The following GNAZ variants were observed in gnomAD, a reference collection of about 807,000 sequenced individuals.
GNAZ encodes G protein subunit alpha z, also known as guanine nucleotide-binding protein G(z) subunit alpha.
Under a neutral mutation model 25.4 loss-of-function variants are expected in GNAZ, and 3 were observed. That is an observed-to-expected ratio of 0.12 (90% confidence interval 0.05 to 0.30). The LOEUF is 0.30. Ranked by LOEUF, GNAZ falls within the 10% of genes least tolerant of loss-of-function variation. The probability of loss-of-function intolerance (pLI) is 1.00; values close to 1 mark genes in which losing one functional copy is unlikely to be tolerated. For missense variants in GNAZ, 241 were observed against 501.8 expected (o/e 0.48, Z 4.97); for synonymous variants, 211 against 205.7 (o/e 1.03, Z -0.22).
chr22:23,072,751 G>A (rs1188023878), intron 1 of GNAZ, among the ~76,000 whole-genome samples: 1 of 152,218 alleles, frequency 6.6e-6, no homozygotes, highest in African/African-American at 2.4e-5. Context: ...GTGGGTTTGG[G>A]ACACAGGGAA....
intron 2 of GNAZ, among the ~76,000 whole-genome samples, chr22:23,110,688 A>G (rs2069619326): frequency 6.6e-6 from 1 of 152,234 alleles, no homozygotes; most frequent in African/African-American, 2.4e-5. Flanking sequence ...CTGTGGTGTG[A>G]GACTCTGAGG....
intron 1 of GNAZ, among the ~76,000 whole-genome samples, chr22:23,077,659 C>T (rs1055603312): frequency 2.0e-5 from 3 of 152,152 alleles, no homozygotes; most frequent in African/African-American, 7.2e-5. Flanking sequence ...AAGTACCAGG[C>T]TCTGTGTTTG....
At chr22:23,117,958 C>T (rs1388043185) in intron 2 of GNAZ, among the ~76,000 whole-genome samples, 1 of 152,234 alleles carries the variant, frequency 6.6e-6, no homozygotes, top group Non-Finnish European at 1.5e-5. Flanking sequence ...GAATGTCCTT[C>T]CAGGTGCCGG....
chr22:23,075,164 G>A (rs2068478448), intron 1 of GNAZ, among the ~76,000 whole-genome samples: 1 of 152,140 alleles, frequency 6.6e-6, no homozygotes, highest in Non-Finnish European at 1.5e-5. Context: ...CCTGGAGGGT[G>A]GGCCCGCAAC....
intron 1 of GNAZ, among the ~76,000 whole-genome samples, chr22:23,080,432 A>G (rs2068644104): frequency 6.6e-6 from 1 of 152,222 alleles, no homozygotes; most frequent in Admixed American, 6.5e-5. Flanking sequence ...GCCGGGGCAT[A>G]GCCTGGGGTT....
chr22:23,073,731 C>T lies in GNAZ; in HGVS notation c.-450+3161C>T, dbSNP rs765870151. Among the ~76,000 whole-genome samples the T allele has an allele frequency of 4.9e-4, 74 of 152,156 alleles. 1 individual carries two copies. Among genetic ancestry groups the T allele is most frequent in the Admixed American group, 1.6e-3 (25 of 15,272 alleles). On this transcript the variant is annotated intron_variant, in intron 1 of 2. Transcript: ENST00000615612. ...TGAGCCGGAGGAGCAGAACCTCACG[C>T]GATTCATCCATTCATTTGTTCAGCT...
chr22:23,074,354 GT>G (rs543179940), intron 1 of GNAZ, among the ~76,000 whole-genome samples: 160 of 152,296 alleles, frequency 1.1e-3, no homozygotes, highest in African/African-American at 3.6e-3. Flanking sequence ...TGGGAGATTT[GT>G]TTTTTTAAAG....
intron 1 of GNAZ, among the ~76,000 whole-genome samples, chr22:23,079,478 C>T (rs942819385): frequency 2.0e-5 from 3 of 152,034 alleles, no homozygotes; most frequent in Non-Finnish European, 4.4e-5. Context: ...GGAGCATGGG[C>T]GTGGGAGTCA....
At chr22:23,080,911 A>T (rs2068658934) in intron 1 of GNAZ, among the ~76,000 whole-genome samples, 1 of 152,236 alleles carries the variant, frequency 6.6e-6, no homozygotes, top group Admixed American at 6.5e-5. Flanking sequence ...GGCTTGTGTC[A>T]GTACAGGGTT....
Position 23,123,474 on chromosome 22 carries a change from G to A in GNAZ, c.*43G>A. The A allele has an allele frequency of 7.4e-7, 1 of 1,358,382 alleles. No homozygotes were observed. Among genetic ancestry groups the A allele is most frequent in the African/African-American group, 1.4e-5 (1 of 69,726 alleles). The allele number at this position is 1,358,382 out of a possible 1,614,324, so 84.1% of individuals were successfully genotyped here. On this transcript the variant is annotated 3_prime_UTR_variant, in exon 3 of 3. Coordinates refer to ENST00000615612, the MANE Select transcript of GNAZ (RefSeq NM_002073.4). ...CCGCCTGCCTATGGTGAAACCCACG[G>A]GGTGTCATGCCCCAACGCGTGCTAG...
chr22:23,079,603 A>G (rs946177444), intron 1 of GNAZ, among the ~76,000 whole-genome samples: 2 of 152,198 alleles, frequency 1.3e-5, no homozygotes, highest in African/African-American at 4.8e-5. Context: ...CAAGTGAGAC[A>G]TACTCTGCCT....
intron 1 of GNAZ, among the ~76,000 whole-genome samples, chr22:23,077,985 G>T (rs2068552955): frequency 6.6e-6 from 1 of 152,214 alleles, no homozygotes; most frequent in African/African-American, 2.4e-5. Context: ...GCCCAGCTCT[G>T]CATGGCATGT....
chr22:23,072,814 C>G (rs1011423746), intron 1 of GNAZ, among the ~76,000 whole-genome samples: 2 of 152,206 alleles, frequency 1.3e-5, no homozygotes, highest in Non-Finnish European at 2.9e-5. Context: ...TCTAGAATCT[C>G]AGGAGGAACC....
chr22:23,098,187 G>T (rs116704791), intron 2 of GNAZ, among the ~76,000 whole-genome samples: 1 of 152,230 alleles, frequency 6.6e-6, no homozygotes. Flanking sequence ...TGCTCTAGCC[G>T]TGGTCAGCTT....
intron 1 of GNAZ, among the ~76,000 whole-genome samples, chr22:23,087,849 C>T (rs1289069282): frequency 3.9e-5 from 6 of 152,200 alleles, no homozygotes. Context: ...CAATATTTCT[C>T]AAGCACTGAT....
chr22:23,100,663 G>A (rs576829842), intron 2 of GNAZ, among the ~76,000 whole-genome samples: 9 of 152,356 alleles, frequency 5.9e-5, no homozygotes, highest in African/African-American at 2.2e-4. Context: ...ACACCCACCC[G>A]GCACAGCCTG....
At chr22:23,090,256 C>T (rs892916271) in intron 1 of GNAZ, among the ~76,000 whole-genome samples, 3 of 152,126 alleles carry the variant, frequency 2.0e-5, no homozygotes, top group Non-Finnish European at 4.4e-5. Flanking sequence ...CTGCTTCAGC[C>T]TACTGGCTGG....
At chr22:23,105,576 A>T (rs1372714760) in intron 2 of GNAZ, among the ~76,000 whole-genome samples, 1 of 152,200 alleles carries the variant, frequency 6.6e-6, no homozygotes, top group Admixed American at 6.5e-5. Context: ...CAAACCAGGC[A>T]AGGGTGTCGG....
chr22:23,094,912 G>A (rs2069079884), intron 1 of GNAZ, among the ~76,000 whole-genome samples: 1 of 152,252 alleles, frequency 6.6e-6, no homozygotes, highest in South Asian at 2.1e-4. Context: ...GGGCCCCAGG[G>A]GGCATCACAA....
Sources: gnomAD v4.1 joint callset for allele counts (sites outside exome capture counted in the v4.1 genomes callset) on GRCh38, gnomAD v4.1.1 for gene constraint, MANE v1.5 for transcripts, NCBI Gene and HGNC (gene_info 2026-07-23, HGNC 2026-07-21) for gene names.